TRIO: variants seen among roughly 807,000 people sequenced by gnomAD.
TRIO encodes trio Rho guanine nucleotide exchange factor.
In TRIO, 58 loss-of-function variants were observed where a neutral mutation model predicts 351.9. The observed-to-expected ratio is 0.16, with a 90% CI of 0.13 to 0.21. The LOEUF is 0.21. Among genes scored for constraint, TRIO ranks in the 10% least tolerant of loss-of-function variants. The pLI, the probability that TRIO is intolerant of heterozygous loss-of-function variation, is 1.00. For synonymous variants in TRIO, 1,758 were observed against 1,595.7 expected (o/e 1.10, Z -2.42); for missense variants, 3,201 against 4,027.8 (o/e 0.79, Z 5.56).
At chr5:14,407,845 G>C (rs991319851) in intron 33 of TRIO, among the ~76,000 whole-genome samples, 3 of 152,198 alleles carry the variant, frequency 2.0e-5, no homozygotes, top group Admixed American at 2.0e-4. Flanking sequence ...GGGGAACATT[G>C]ATCTTAATGA....
Position 14,441,835 on chromosome 5 carries a change from CAA to C in TRIO, c.5204-19182_5204-19181del, listed in dbSNP as rs1217809626. Among the ~76,000 whole-genome samples the C allele has an allele frequency of 2.6e-5, 4 of 152,244 alleles. No homozygotes were observed. In the East Asian group the frequency reaches 7.7e-4, roughly 29 times the overall value. On this transcript the variant is annotated intron_variant, in intron 34 of 56. Coordinates refer to ENST00000344204, the MANE Select transcript of TRIO (RefSeq NM_007118.4). ...ACTACAGCCATATGATAAGATAATA[CAA>C]AGTTAGCTGGGGAGAGGGATGCTTC...
chr5:14,400,559 G>A (rs1429677183), intron 30 of TRIO, among the ~76,000 whole-genome samples: 2 of 152,190 alleles, frequency 1.3e-5, no homozygotes, highest in Non-Finnish European at 2.9e-5. Context: ...TTGCCCTCTG[G>A]GAAGCTGTGT....
chr5:14,302,409 T>C (rs369700822), intron 7 of TRIO, among the ~76,000 whole-genome samples: 15 of 152,316 alleles, frequency 9.8e-5, no homozygotes, highest in African/African-American at 3.6e-4. Flanking sequence ...CTCAATCAAT[T>C]TGTGTTTGAA....
intron 33 of TRIO, among the ~76,000 whole-genome samples, chr5:14,406,988 A>G (rs1748782404): frequency 6.6e-6 from 1 of 152,168 alleles, no homozygotes; most frequent in East Asian, 1.9e-4. Flanking sequence ...AGAACCTATC[A>G]TTTAAAATAA....
At chr5:14,192,105 A>G (rs914709963) in intron 1 of TRIO, among the ~76,000 whole-genome samples, 2 of 152,220 alleles carry the variant, frequency 1.3e-5, no homozygotes. Flanking sequence ...GGCAATGGCA[A>G]TAATGATGAC....
At chr5:14,488,823 AC>A (rs1756249575) in intron 48 of TRIO, 1 of 662,880 alleles carries the variant, frequency 1.5e-6, no homozygotes, top group Non-Finnish European at 2.7e-6. Flanking sequence ...GCTTTACGTC[AC>A]CGTGTTGCTC....
chr5:14,468,560 A>G (rs193205552), intron 37 of TRIO, among the ~76,000 whole-genome samples: 2 of 152,248 alleles, frequency 1.3e-5, no homozygotes, highest in African/African-American at 4.8e-5. Flanking sequence ...CAAGAGAAGC[A>G]TCACCCTGTG....
At chr5:14,154,034 G>T (rs960602879) in intron 1 of TRIO, among the ~76,000 whole-genome samples, 1 of 152,006 alleles carries the variant, frequency 6.6e-6, no homozygotes, top group Admixed American at 6.6e-5. Flanking sequence ...TACCTTTTAC[G>T]TAAATAACCC....
chr5:14,236,387 G>A (rs1793769188), intron 1 of TRIO, among the ~76,000 whole-genome samples: 1 of 152,158 alleles, frequency 6.6e-6, no homozygotes, highest in Non-Finnish European at 1.5e-5. Flanking sequence ...TGAAGGTAAT[G>A]AATACTTAAA....
chr5:14,485,482 C>T (rs2126626266), intron 47 of TRIO, among the ~76,000 whole-genome samples: 1 of 152,296 alleles, frequency 6.6e-6, no homozygotes, highest in Admixed American at 6.5e-5. Context: ...GAGTAATTTG[C>T]TTCGAGTCCC....
intron 1 of TRIO, among the ~76,000 whole-genome samples, chr5:14,192,507 C>A (rs570300801): frequency 5.7e-4 from 87 of 152,170 alleles, no homozygotes; most frequent in African/African-American, 2.0e-3. Context: ...TCCCTGGGCT[C>A]AAGTGATCCT....
chr5:14,179,190 AC>A (rs1789598037), intron 1 of TRIO, among the ~76,000 whole-genome samples: 1 of 150,388 alleles, frequency 6.6e-6, no homozygotes, highest in South Asian at 2.1e-4. Flanking sequence ...CTTTGGCCCC[AC>A]CCCCCACCTT....
chr5:14,327,848 C>G (rs911835420), intron 9 of TRIO, among the ~76,000 whole-genome samples: 3 of 152,166 alleles, frequency 2.0e-5, no homozygotes, highest in Non-Finnish European at 2.9e-5. Flanking sequence ...TTCTCAAGGC[C>G]GAGAGGTCCA....
intron 1 of TRIO, among the ~76,000 whole-genome samples, chr5:14,206,388 C>T (rs892744566): frequency 3.9e-5 from 6 of 152,184 alleles, no homozygotes; most frequent in South Asian, 2.1e-4. Context: ...GAAAAAGAAA[C>T]GTCTTTTTAA....
At chr5:14,455,856 C>T (rs1753251731) in intron 34 of TRIO, among the ~76,000 whole-genome samples, 1 of 152,274 alleles carries the variant, frequency 6.6e-6, no homozygotes, top group Non-Finnish European at 1.5e-5. Context: ...ACCAGGGCCA[C>T]AGGCGGAGCT....
At chr5:14,446,495 G>A (rs1752451117) in intron 34 of TRIO, among the ~76,000 whole-genome samples, 1 of 152,130 alleles carries the variant, frequency 6.6e-6, no homozygotes, top group African/African-American at 2.4e-5. Flanking sequence ...ATGTGGGTGG[G>A]CAGGGGGAAG....
chr5:14,425,792 G>A (rs1040396503), intron 34 of TRIO, among the ~76,000 whole-genome samples: 1 of 152,188 alleles, frequency 6.6e-6, no homozygotes, highest in Non-Finnish European at 1.5e-5. Context: ...GGCACAGAAG[G>A]CACCGTCTTT....
intron 1 of TRIO, among the ~76,000 whole-genome samples, chr5:14,172,697 G>C (rs1455756505): frequency 6.6e-6 from 1 of 152,248 alleles, no homozygotes; most frequent in Non-Finnish European, 1.5e-5. Flanking sequence ...GCTTTTTCAA[G>C]ACCATTGGAT....
chr5:14,286,559 C>T lies in TRIO; in HGVS notation c.348-312C>T, dbSNP rs778558884. ...GAGGAGTTCATGTAATCAATTAATG[C>T]ACCAAAGTCAGGAGAAATGGGCATG... On this transcript the variant is annotated intron_variant, in intron 3 of 56. Coordinates refer to ENST00000344204, the MANE Select transcript of TRIO (RefSeq NM_007118.4). This position sits in a 1 kb window ranked among gnomAD's most constrained non-coding sequence, Gnocchi z 4.4. 6.6e-6 allele frequency among the ~76,000 whole-genome samples: 1 copy of T among 152,142 alleles called. No individual in the cohort carries two copies. The highest frequency in any genetic ancestry group is 2.4e-5 in the African/African-American group (1 of 41,426).
Sources: gnomAD v4.1 joint callset for allele counts (sites outside exome capture counted in the v4.1 genomes callset) on GRCh38, gnomAD v4.1.1 for gene constraint, Gnocchi (gnomAD v3.1) non-coding constraint, MANE v1.5 for transcripts, NCBI Gene and HGNC (gene_info 2026-07-23, HGNC 2026-07-21) for gene names.